The following TUBGCP5 variants were observed in gnomAD, a reference collection of about 807,000 sequenced individuals.
TUBGCP5 encodes the protein tubulin gamma complex component 5.
In TUBGCP5, 98 loss-of-function variants were observed where a neutral mutation model predicts 134.7. The ratio of observed to expected loss-of-function variants is 0.73; its 90% CI spans 0.62 to 0.86. TUBGCP5 has a LOEUF of 0.86. Ranked by LOEUF, TUBGCP5 falls within the 40% of genes least tolerant of loss-of-function variation. The pLI is 0.00. For missense variants in TUBGCP5, 1,150 were observed against 1,244.8 expected, an observed-to-expected ratio of 0.92 and a Z score of 1.15; for synonymous variants, 456 against 431.4, an observed-to-expected ratio of 1.06 and a Z score of -0.71.
In TUBGCP5 at chr15:23,032,789, C is replaced by A. The variant is rs61744212; in HGVS notation, c.345G>T (p.Leu115=). The A allele has an allele frequency of 0.1, 162,046 of 1,587,934 alleles. 11,911 individuals are homozygous for A. The highest frequency in any genetic ancestry group is 0.46 in the East Asian group (19,848 of 43,354). The change falls in exon 4 of 23, where the codon CTG becomes CTT. Residue 115 remains leucine, a synonymous_variant. Transcript: ENST00000615383. ...TGTTTGAAGGAGAGTCTGACAGACA[C>A]AGAAGAAGTGACAGTATGGAATAAT... The part of the protein sequence containing the change: ...DAHYSILSLL[L]CLSDSPSNSS...
chr15:22,986,535 G>A (rs527892447), intron 23 of TUBGCP5, among the ~76,000 whole-genome samples: 7 of 151,752 alleles, frequency 4.6e-5, no homozygotes, highest in South Asian at 2.1e-4. Flanking sequence ...TCAGGAGTTC[G>A]AGACCAGCCT....
Position 23,017,955 on chromosome 15 carries a change from T to G in TUBGCP5, c.1574A>C (p.Glu525Ala), listed in dbSNP as rs564148291. The change falls in exon 13 of 23, where the codon GAA becomes GCA. Residue 525 changes from glutamate (E) to alanine (A), a missense_variant. Physicochemically the swap from Glu to Ala is moderately radical, Grantham distance 107. Transcript: ENST00000615383. ...CGCACTAGCGTTATCACTCATTTTT[T>G]CTTCATTTTCTGTCTTTTCTGATAC... ...YSVSEKTENE[E>A]KMSDNASASS... The G allele has an allele frequency of 1.8e-5, 29 of 1,614,234 alleles. No individual in the cohort carries two copies. The South Asian group carries it at 2.0e-4, about 11-fold the overall frequency.
intron 23 of TUBGCP5, among the ~76,000 whole-genome samples, chr15:22,990,307 C>G (rs2063809201): frequency 6.6e-6 from 1 of 151,958 alleles, no homozygotes; most frequent in Non-Finnish European, 1.5e-5. Context: ...CTCTGACTCC[C>G]ACTACGGGCA....
chr15:23,029,973 T>C (rs529844638), intron 6 of TUBGCP5, among the ~76,000 whole-genome samples: 5 of 152,184 alleles, frequency 3.3e-5, no homozygotes, highest in Admixed American at 3.3e-4. Flanking sequence ...GGCGGAGTAA[T>C]TGCTTGAGTC....
At chr15:23,035,977 T>A (rs924053668) in intron 3 of TUBGCP5, among the ~76,000 whole-genome samples, 3 of 152,170 alleles carry the variant, frequency 2.0e-5, no homozygotes, top group Non-Finnish European at 4.4e-5. Flanking sequence ...ATACATAGCA[T>A]GTGTGGAGAC....
At chr15:23,032,106 G>T in intron 4 of TUBGCP5, 77 bp from the exon 5 acceptor site, 1 of 922,786 alleles carries the variant, frequency 1.1e-6, no homozygotes, top group Non-Finnish European at 1.6e-6. Context: ...AAGGAAAAAA[G>T]ACTAACAAGA....
At chr15:23,027,423 G>C in intron 6 of TUBGCP5, 117 bp from the exon 7 acceptor site, 1 of 738,516 alleles carries the variant, frequency 1.4e-6, no homozygotes, top group Non-Finnish European at 2.3e-6. Flanking sequence ...AAAAATAACA[G>C]CTACCTAACA....
At chr15:22,990,378 A>G (rs566643888) in intron 23 of TUBGCP5, among the ~76,000 whole-genome samples, 9 of 152,232 alleles carry the variant, frequency 5.9e-5, no homozygotes, top group Non-Finnish European at 8.8e-5. Context: ...TTTCTGGGGA[A>G]CCCAGGCCAA....
At position 23,039,544 on chromosome 15, in the gene TUBGCP5, G is replaced by C. The variant is rs767978140; in HGVS notation, c.-1C>G. 4.8e-6 allele frequency: 7 copies of C among 1,453,090 alleles called. No homozygotes were observed. In the Admixed American group the frequency reaches 6.7e-5, roughly 14 times the overall value. The allele number at this position is 1,453,090 out of a possible 1,614,324, so 90.0% of individuals were successfully genotyped here. A position where few individuals can be genotyped will look rare whatever the true frequency, so the allele number is the denominator to read the frequency against. On this transcript the variant is annotated 5_prime_UTR_variant, in exon 1 of 23. Coordinates refer to ENST00000615383, the MANE Select transcript of TUBGCP5 (RefSeq NM_052903.6). Reference sequence around the variant, plus strand: ...TCCACGGTGGCCCGTGCCGCGCCATGTTCCGCGCTCCTGCAGCGCGCGTCT... The same window carrying C: ...TCCACGGTGGCCCGTGCCGCGCCATCTTCCGCGCTCCTGCAGCGCGCGTCT...
At position 23,009,861 on chromosome 15, in the gene TUBGCP5, T is replaced by C. The variant is rs183798193; in HGVS notation, c.2144+84A>G. 8.5e-6 allele frequency: 11 copies of C among 1,295,540 alleles called. No individual in the cohort carries two copies. In the African/African-American group the frequency reaches 1.5e-4, roughly 17 times the overall value. The allele number at this position is 1,295,540 out of a possible 1,614,324, so 80.3% of individuals were successfully genotyped here. On this transcript the variant is annotated intron_variant, in intron 15 of 22. Coordinates refer to ENST00000615383, the MANE Select transcript of TUBGCP5 (RefSeq NM_052903.6). ...TATCCATTTCCTACTCTAATAAAAA[T>C]TGAAATAGGTTTTAAAATAATCTCA...
rs1200844818 is a variant in TUBGCP5 at position 23,032,817 on chromosome 15, G to A, written c.317C>T (p.Ala106Val). Residue 106 changes from alanine (A) to valine (V), a missense_variant, in exon 4 of 23, where the codon GCA becomes GTA. Physicochemically the swap from Ala to Val is moderately conservative, Grantham distance 64. Around this residue, in one of 2 missense-constraint regions of TUBGCP5, gnomAD observed 453 missense variants for 394.7 expected, o/e 1.15. Transcript: ENST00000615383. ...AAGAAGTGACAGTATGGAATAATGT[G>A]CATCTGTCTTTAAAACAAAAAAAAG... is the stretch of plus-strand genomic sequence containing the variant. ...LPSIKEIKTD[A>V]HYSILSLLLC... 3 of 1,564,454 alleles carry A rather than the reference G, an allele frequency of 1.9e-6. No individual in the cohort carries two copies. Among genetic ancestry groups the A allele is most frequent in the Non-Finnish European group, 2.6e-6 (3 of 1,159,890 alleles).
chr15:23,023,887 A>G, intron 10 of TUBGCP5, 60 bp downstream of exon 10: 1 of 1,537,562 alleles, frequency 6.5e-7, no homozygotes, highest in Middle Eastern at 2.1e-4. Flanking sequence ...TAAAAACTCT[A>G]AGTGGCATTC....
In TUBGCP5 at chr15:22,988,652, C is replaced by T. The variant is rs554850128; in HGVS notation, c.*62-5041G>A. 1.7e-3 allele frequency among the ~76,000 whole-genome samples: 248 copies of T among 149,858 alleles called. 1 individual carries two copies. Among genetic ancestry groups the T allele is most frequent in the Admixed American group, 3.9e-3 (59 of 15,060 alleles). Reference sequence around the variant, plus strand: ...TCGGGAGGCTGAGGCAGGAGAATGGCGTGAACCTAGGAGGCAGAGCTTGCA... The same window carrying T: ...TCGGGAGGCTGAGGCAGGAGAATGGTGTGAACCTAGGAGGCAGAGCTTGCA... On this transcript the variant is annotated intron_variant and NMD_transcript_variant, in intron 23 of 23. Coordinates refer to the TUBGCP5 transcript ENST00000614508.
intron 13 of TUBGCP5, among the ~76,000 whole-genome samples, chr15:23,016,587 G>A (rs1242552722): frequency 6.6e-6 from 1 of 151,536 alleles, no homozygotes; most frequent in Non-Finnish European, 1.5e-5. Flanking sequence ...AAAATGCTCA[G>A]CATCACTAAT....
intron 13 of TUBGCP5, among the ~76,000 whole-genome samples, chr15:23,012,182 A>G (rs10163147): frequency 0.045 from 6,852 of 151,894 alleles, 411 homozygotes; most frequent in African/African-American, 0.14. Context: ...AATACTGCAT[A>G]ACACTATGGT....
intron 23 of TUBGCP5, among the ~76,000 whole-genome samples, chr15:22,991,338 C>T (rs957223958): frequency 1.6e-4 from 24 of 152,224 alleles, no homozygotes; most frequent in East Asian, 7.7e-4. Flanking sequence ...TCAGGTGATC[C>T]GCCTGCCTCG....
intron 3 of TUBGCP5, 119 bp from the exon 4 acceptor site, chr15:23,032,943 C>G: frequency 1.6e-6 from 1 of 628,678 alleles, no homozygotes; most frequent in African/African-American, 1.9e-5. Context: ...TTTGAGAAAA[C>G]ATGAGTTATA....
At chr15:22,994,516 T>C (rs117077308), downstream of TUBGCP5, among the ~76,000 whole-genome samples, 15 of 152,188 alleles carry the variant, frequency 9.9e-5, no homozygotes, top group African/African-American at 3.1e-4. Flanking sequence ...ACTCAAGCAG[T>C]TTGAGACTCA....
At chr15:23,030,379 G>C (rs1020333635) in intron 6 of TUBGCP5, among the ~76,000 whole-genome samples, 1 of 152,156 alleles carries the variant, frequency 6.6e-6, no homozygotes, top group African/African-American at 2.4e-5. Flanking sequence ...AAATGCAGCT[G>C]TCCCTCAGTA....
Sources: allele counts gnomAD v4.1 joint callset (sites outside exome capture counted in the v4.1 genomes callset), GRCh38; gene constraint gnomAD v4.1.1; regional missense constraint gnomAD v4.1.1; transcripts MANE v1.5; gene names NCBI Gene and HGNC (gene_info 2026-07-23, HGNC 2026-07-21).